The following RELN variants were observed in gnomAD, a reference collection of about 807,000 sequenced individuals.
The protein encoded by RELN is reelin.
RELN carries 108 observed loss-of-function variants against 427.6 expected under a neutral mutation model. That is an observed-to-expected ratio of 0.25 (90% CI 0.22 to 0.30). The LOEUF is 0.30. Among genes scored for constraint, RELN ranks in the 10% least tolerant of loss-of-function variants. The pLI, the probability that RELN is intolerant of heterozygous loss-of-function variation, is 1.00. For synonymous variants in RELN, 1,524 were observed against 1,513.4 expected, an observed-to-expected ratio of 1.01 and a Z score of -0.16; for missense variants, 3,715 against 4,302.8, an observed-to-expected ratio of 0.86 and a Z score of 3.82.
In RELN at chr7:103,540,350, A is replaced by T; in HGVS notation, c.6777T>A (p.Ser2259Arg). ...QYSLNGGLSW[S>R]LLQEFLFSNS... is the part of the protein sequence containing the mutation. Reference sequence around the variant, plus strand: ...TGCTGAAAAGGAACTCCTGAAGAAGACTCCACGAGAGGCCACCGTTGAGAG... The same window carrying T: ...TGCTGAAAAGGAACTCCTGAAGAAGTCTCCACGAGAGGCCACCGTTGAGAG... The change falls in exon 44 of 65, where the codon AGT (serine) becomes AGA (arginine). Residue 2259 changes from serine to arginine, a missense_variant. This residue lies in a region of RELN where 1,310 missense variants were observed against 1,643.0 expected (regional missense o/e 0.80). Coordinates refer to ENST00000428762, the MANE Select transcript of RELN (RefSeq NM_005045.4). 1 of 1,613,828 alleles carries T rather than the reference A, an allele frequency of 6.2e-7. No individual in the cohort carries two copies. The highest frequency in any genetic ancestry group is 1.1e-5 in the South Asian group (1 of 91,048).
chr7:103,479,335 A>G (rs1415069281), intron 63 of RELN, among the ~76,000 whole-genome samples: 1 of 152,176 alleles, frequency 6.6e-6, no homozygotes, highest in Non-Finnish European at 1.5e-5. Flanking sequence ...TAAATATTCT[A>G]TGCTAGCAAA....
chr7:103,520,551 C>T (rs953622811), intron 48 of RELN, among the ~76,000 whole-genome samples: 11 of 152,274 alleles, frequency 7.2e-5, no homozygotes, highest in African/African-American at 1.7e-4. Flanking sequence ...GCTGGGATTA[C>T]AGGCGTGAGC....
chr7:103,958,224 T>C (rs6943822), intron 1 of RELN, among the ~76,000 whole-genome samples: 54,008 of 152,052 alleles, frequency 0.36, 10,116 homozygotes, highest in Non-Finnish European at 0.42. Context: ...TGGCAACATA[T>C]GGAGTGCATT....
In RELN at chr7:103,503,276, T is replaced by C. The variant is rs79615780; in HGVS notation, c.8275-46A>G. 6.3e-4 allele frequency: 987 copies of C among 1,563,130 alleles called. 10 individuals are homozygous for C. The African/African-American group carries it at 0.012, about 19-fold the overall frequency. ...ATCAAGGTATTAAAACTATATGATA[T>C]GATTCTTCTCCAAGGACTTGGCAGC... On this transcript the variant is annotated intron_variant, in intron 51 of 64. Transcript: ENST00000428762.
At chr7:103,577,102 T>C (rs1306887325) in intron 28 of RELN, among the ~76,000 whole-genome samples, 2 of 152,198 alleles carry the variant, frequency 1.3e-5, no homozygotes, top group African/African-American at 4.8e-5. Context: ...TTTATAGACT[T>C]TTGAGTTAAT....
At chr7:103,662,490 T>G (rs1833165057) in intron 11 of RELN, among the ~76,000 whole-genome samples, 1 of 151,754 alleles carries the variant, frequency 6.6e-6, no homozygotes, top group African/African-American at 2.4e-5. Context: ...GGTGTGGTGG[T>G]GCATGGCTGT....
intron 34 of RELN, among the ~76,000 whole-genome samples, chr7:103,562,617 A>G (rs2117180374): frequency 6.6e-6 from 1 of 152,324 alleles, no homozygotes; most frequent in East Asian, 1.9e-4. Flanking sequence ...CACTTAGGAA[A>G]AGTTTGCATA....
rs1286822648 is a variant in RELN at position 103,563,254 on chromosome 7, T to C, written c.5211-1301A>G. Among the ~76,000 whole-genome samples, 2 of 152,228 alleles carry C rather than the reference T, an allele frequency of 1.3e-5. No individual in the cohort carries two copies. Among genetic ancestry groups the C allele is most frequent in the African/African-American group, 2.4e-5 (1 of 41,456 alleles). On this transcript the variant is annotated intron_variant, in intron 34 of 64. Coordinates refer to ENST00000428762, the MANE Select transcript of RELN (RefSeq NM_005045.4). This position sits in a 1 kb window ranked among gnomAD's most constrained non-coding sequence, Gnocchi z 4.1. ...AATGACGTTTCTGTCGATGATGGAC[T>C]GCATTTATGACAATGGTCTCATAAG... is the stretch of plus-strand genomic sequence containing the variant.
chr7:103,724,630 G>A (rs542831667), intron 7 of RELN, among the ~76,000 whole-genome samples: 3 of 152,190 alleles, frequency 2.0e-5, no homozygotes, highest in African/African-American at 4.8e-5. Flanking sequence ...GTGGAATATC[G>A]CCAAATTTCA....
rs1829385770 is a variant in RELN, at chr7:103,510,891, T to C, written c.8234A>G (p.His2745Arg). 2 of 1,613,732 alleles carry C rather than the reference T, an allele frequency of 1.2e-6. No homozygotes were observed. Among genetic ancestry groups the C allele is most frequent in the Non-Finnish European group, 1.7e-6 (2 of 1,179,690 alleles). ...HDGREVYAVT[H>R]DLTPTEGWIM... ...CCAGCCTTCAGTGGGAGTCAGGTCA[T>C]GGGTCACTGCATACACCTCCCGTCC... is the stretch of plus-strand genomic sequence containing the variant. Residue 2745 changes from histidine to arginine, a missense_variant, in exon 51 of 65, where the codon CAT (histidine) becomes CGT (arginine). Physicochemically the swap from His to Arg is conservative, Grantham distance 29. Coordinates refer to ENST00000428762, the MANE Select transcript of RELN (RefSeq NM_005045.4).
At chr7:103,936,715 C>CAT (rs1795993056) in intron 1 of RELN, among the ~76,000 whole-genome samples, 2 of 106,650 alleles carry the variant, frequency 1.9e-5, no homozygotes, top group Non-Finnish European at 3.8e-5. Flanking sequence ...TTCCTACGCA[C>CAT]ACACACACAC....
rs1177490338 is a variant in RELN at position 103,872,557 on chromosome 7, A to C, written c.338-38885T>G. Reference sequence around the variant, plus strand: ...ATGTGTCTTTATAGCGGCATGATTTATAGTCATTTGGGTATATACCCAGTA... The same window carrying C: ...ATGTGTCTTTATAGCGGCATGATTTCTAGTCATTTGGGTATATACCCAGTA... On this transcript the variant is annotated intron_variant, in intron 2 of 64. Coordinates refer to ENST00000428762, the MANE Select transcript of RELN (RefSeq NM_005045.4). Among the ~76,000 whole-genome samples, 8 of 134,072 alleles carry C rather than the reference A, an allele frequency of 6.0e-5. 2 individuals carry two copies. Among genetic ancestry groups the C allele is most frequent in the African/African-American group, 2.1e-4 (8 of 38,010 alleles). 88.0% of individuals were successfully genotyped at this position (134,072 alleles called of 152,430 possible). A position where few individuals can be genotyped will look rare whatever the true frequency, so the allele number is the denominator to read the frequency against.
At chr7:103,678,099 A>T (rs1833577538) in intron 11 of RELN, among the ~76,000 whole-genome samples, 1 of 152,150 alleles carries the variant, frequency 6.6e-6, no homozygotes, top group Admixed American at 6.5e-5. Flanking sequence ...TTTAATATTC[A>T]TTACATTTGT....
Position 103,487,402 on chromosome 7 carries a change from A to G in RELN, c.9764-986T>C, listed in dbSNP as rs891963621. On this transcript the variant is annotated intron_variant, in intron 60 of 64. Transcript: ENST00000428762. ...ACATGTATCCCAGAACTTAAAGTAG[A>G]AAAAAAAAAAGAGAAATATAACAAA... is the stretch of plus-strand genomic sequence containing the variant. Among the ~76,000 whole-genome samples the G allele has an allele frequency of 4.1e-5, 4 of 97,378 alleles. No homozygotes were observed. In the East Asian group the frequency reaches 1.1e-3, roughly 28 times the overall value. The allele number at this position is 97,378 out of a possible 152,430, so 63.9% of individuals were successfully genotyped here. A position where few individuals can be genotyped will look rare whatever the true frequency, so the allele number is the denominator to read the frequency against.
Position 103,989,053 on chromosome 7 carries a change from G to C in RELN, c.226+78C>G, listed in dbSNP as rs974735537. 2.3e-6 allele frequency: 3 copies of C among 1,325,170 alleles called. No individual in the cohort carries two copies. The highest frequency in any genetic ancestry group is 3.3e-6 in the Non-Finnish European group (3 of 919,738). The allele number at this position is 1,325,170 out of a possible 1,614,324, so 82.1% of individuals were successfully genotyped here. A position where few individuals can be genotyped will look rare whatever the true frequency, so the allele number is the denominator to read the frequency against. On this transcript the variant is annotated intron_variant, in intron 1 of 64. Coordinates refer to ENST00000428762, the MANE Select transcript of RELN (RefSeq NM_005045.4). This position sits in a 1 kb window ranked among gnomAD's most constrained non-coding sequence, Gnocchi z 4.9. The stretch of plus-strand genomic sequence containing the variant: ...TGGTTCTTGTTTCCAAGGCCCCTTG[G>C]AAGAAGGAAAGGGATGAGAAAGGTG...
intron 1 of RELN, among the ~76,000 whole-genome samples, chr7:103,980,193 T>C (rs955166861): frequency 6.6e-6 from 1 of 151,674 alleles, no homozygotes; most frequent in Non-Finnish European, 1.5e-5. Flanking sequence ...ATAAAAATTA[T>C]ATTATCAAAA....
intron 4 of RELN, among the ~76,000 whole-genome samples, chr7:103,775,394 T>C (rs1394611399): frequency 6.6e-6 from 1 of 152,188 alleles, no homozygotes; most frequent in East Asian, 1.9e-4. Context: ...TCATCAGGAT[T>C]TTGCCATTAA....
At chr7:103,695,747 C>A (rs1833965381) in intron 10 of RELN, among the ~76,000 whole-genome samples, 1 of 152,062 alleles carries the variant, frequency 6.6e-6, no homozygotes, top group African/African-American at 2.4e-5. Context: ...ATCTGCTTGC[C>A]AGTGTTGAAC....
chr7:103,617,934 G>T (rs763785284), intron 20 of RELN, among the ~76,000 whole-genome samples: 1 of 152,018 alleles, frequency 6.6e-6, no homozygotes, highest in Non-Finnish European at 1.5e-5. Flanking sequence ...TGCTTCCTCT[G>T]TCACCATGTC....
Sources: gnomAD v4.1 joint callset for allele counts (sites outside exome capture counted in the v4.1 genomes callset) on GRCh38, gnomAD v4.1.1 for gene constraint, gnomAD v4.1.1 regional missense constraint, Gnocchi (gnomAD v3.1) non-coding constraint, MANE v1.5 for transcripts, NCBI Gene and HGNC (gene_info 2026-07-23, HGNC 2026-07-21) for gene names.